CADPS: variants seen among roughly 807,000 people sequenced by gnomAD.
CADPS encodes calcium dependent secretion activator, also known as calcium-dependent secretion activator 1.
CADPS carries 57 observed loss-of-function variants against 167.3 expected under a neutral mutation model. The observed-to-expected ratio is 0.34, with a 90% CI of 0.28 to 0.42. The LOEUF (loss-of-function observed/expected upper bound fraction) is 0.42. CADPS is among the 20% of genes least tolerant of loss of function. The pLI, the probability that CADPS is intolerant of heterozygous loss-of-function variation, is 1.00. For synonymous variants in CADPS, 676 were observed against 635.3 expected, an observed-to-expected ratio of 1.06 and a Z score of -0.96; for missense variants, 1,414 against 1,738.1, an observed-to-expected ratio of 0.81 and a Z score of 3.32.
Position 62,570,922 on chromosome 3 carries a change from C to T in CADPS, c.1594G>A (p.Gly532Ser), listed in dbSNP as rs567840502. 5.6e-6 allele frequency: 9 copies of T among 1,609,042 alleles called. No homozygotes were observed. The highest frequency in any genetic ancestry group is 4.0e-5 in the African/African-American group (3 of 74,794). The stretch of plus-strand genomic sequence containing the variant: ...TTCCATCTCTTCCAGACATTCTTAC[C>T]GATGGCCCATAAATACCTAAGGGAA... ...MKHSGYLWAI[G>S]KNVWKRWKKR... The change falls in exon 9 of 30, where the codon GGT (glycine) becomes AGT (serine). Residue 532 changes from glycine (G) to serine (S), a missense_variant. By Grantham distance (56) the Gly-to-Ser change is moderately conservative (BLOSUM62 0). Around this residue, in one of 6 missense-constraint regions of CADPS, gnomAD observed 157 missense variants for 229.4 expected, o/e 0.68. Coordinates refer to ENST00000383710, the MANE Select transcript of CADPS (RefSeq NM_003716.4).
intron 6 of CADPS, among the ~76,000 whole-genome samples, chr3:62,595,441 T>C (rs1330456662): frequency 2.6e-5 from 4 of 152,158 alleles, no homozygotes; most frequent in African/African-American, 4.8e-5. Flanking sequence ...TTGCAAACTA[T>C]GAAATTTGGG....
chr3:62,570,249 AAAAG>A (rs973888625), intron 9 of CADPS, among the ~76,000 whole-genome samples: 3 of 151,778 alleles, frequency 2.0e-5, no homozygotes, highest in African/African-American at 7.3e-5. Context: ...AAAAAAAAAA[AAAAG>A]AAGTTTAATA....
At chr3:62,527,556 C>A (rs17066522) in intron 13 of CADPS, among the ~76,000 whole-genome samples, 11 of 152,012 alleles carry the variant, frequency 7.2e-5, no homozygotes, top group Non-Finnish European at 1.2e-4. Context: ...ACAGCAAACA[C>A]CTTCCTGATT....
At chr3:62,659,731 C>G (rs2072688381) in intron 4 of CADPS, among the ~76,000 whole-genome samples, 1 of 152,178 alleles carries the variant, frequency 6.6e-6, no homozygotes. Flanking sequence ...TCACGTGTGG[C>G]CAGGGCAGGC....
At chr3:62,539,303 C>T (rs2075299698) in intron 11 of CADPS, among the ~76,000 whole-genome samples, 2 of 152,038 alleles carry the variant, frequency 1.3e-5, no homozygotes, top group Non-Finnish European at 2.9e-5. Flanking sequence ...CCTTAAGATC[C>T]CTTGCACACT....
intron 1 of CADPS, among the ~76,000 whole-genome samples, chr3:62,768,345 G>C (rs2087496751): frequency 6.6e-6 from 1 of 152,156 alleles, no homozygotes; most frequent in Non-Finnish European, 1.5e-5. Context: ...GTGAATACCA[G>C]CTTTGCGTGA....
chr3:62,778,897 A>G (rs1301236918), intron 1 of CADPS, among the ~76,000 whole-genome samples: 2 of 130,112 alleles, frequency 1.5e-5, no homozygotes, highest in African/African-American at 5.5e-5. Flanking sequence ...TTTTCCAGAA[A>G]GAACATTTAC....
At chr3:62,700,271 G>A (rs1326478257) in intron 3 of CADPS, among the ~76,000 whole-genome samples, 1 of 152,062 alleles carries the variant, frequency 6.6e-6, no homozygotes, top group Non-Finnish European at 1.5e-5. Flanking sequence ...GTATGGGCTG[G>A]ACCTGGCGAC....
chr3:62,501,914 C>T (rs867954380), intron 17 of CADPS, among the ~76,000 whole-genome samples: 4 of 152,112 alleles, frequency 2.6e-5, no homozygotes, highest in South Asian at 2.1e-4. Context: ...TGCACATGTA[C>T]GCAGATATGT....
At chr3:62,785,608 C>A (rs1175286756) in intron 1 of CADPS, among the ~76,000 whole-genome samples, 1 of 152,134 alleles carries the variant, frequency 6.6e-6, no homozygotes, top group African/African-American at 2.4e-5. Context: ...CATACCTGCT[C>A]AAGGTGAGTA....
chr3:62,736,920 C>T (rs955687924), intron 3 of CADPS, among the ~76,000 whole-genome samples: 7 of 152,008 alleles, frequency 4.6e-5, no homozygotes, highest in African/African-American at 9.7e-5. Flanking sequence ...AGGTTAATTG[C>T]GAGGTTAGGA....
At chr3:62,656,513 C>G (rs143200773) in intron 4 of CADPS, among the ~76,000 whole-genome samples, 2 of 152,256 alleles carry the variant, frequency 1.3e-5, no homozygotes, top group African/African-American at 4.8e-5. Context: ...CTATCTGGCT[C>G]CAAATGTCTA....
intron 13 of CADPS, among the ~76,000 whole-genome samples, chr3:62,530,308 G>C (rs1003943258): frequency 1.3e-5 from 2 of 151,990 alleles, no homozygotes; most frequent in Non-Finnish European, 2.9e-5. Flanking sequence ...AAATTATAAA[G>C]CATGGGTTGC....
chr3:62,599,779 ATTATATATAAT>A (rs1473023379), intron 6 of CADPS, among the ~76,000 whole-genome samples: 7 of 2,110 alleles, frequency 3.3e-3, no homozygotes, highest in African/African-American at 4.9e-3. Context: ...TAATATATAT[ATTATATATAAT>A]ATATATAATA....
chr3:62,419,184 CATAA>C (rs1271814103), intron 28 of CADPS, among the ~76,000 whole-genome samples: 6 of 152,176 alleles, frequency 3.9e-5, no homozygotes, highest in Admixed American at 1.3e-4. Flanking sequence ...CTTCAAGATA[CATAA>C]ATAATGAGCC....
chr3:62,535,841 T>C (rs2074582280), intron 12 of CADPS, among the ~76,000 whole-genome samples: 1 of 151,972 alleles, frequency 6.6e-6, no homozygotes, highest in Non-Finnish European at 1.5e-5. Context: ...TTTCAGGAAA[T>C]ATTGATACTC....
intron 2 of CADPS, among the ~76,000 whole-genome samples, chr3:62,756,141 C>G (rs2083852431): frequency 1.3e-5 from 2 of 151,976 alleles, no homozygotes; most frequent in Admixed American, 6.6e-5. Context: ...CAACCTCTGC[C>G]TCCTGGGTTC....
At chr3:62,668,828 CT>C (rs2074979993) in intron 3 of CADPS, among the ~76,000 whole-genome samples, 1 of 152,116 alleles carries the variant, frequency 6.6e-6, no homozygotes, top group Non-Finnish European at 1.5e-5. Context: ...AATAAAATGA[CT>C]GCCTGACTAG....
intron 1 of CADPS, among the ~76,000 whole-genome samples, chr3:62,775,836 A>T (rs2090145217): frequency 6.6e-6 from 1 of 152,288 alleles, no homozygotes; most frequent in Non-Finnish European, 1.5e-5. Flanking sequence ...GTGCCCAAGG[A>T]TCAACATTTA....
Sources: allele counts gnomAD v4.1 joint callset (sites outside exome capture counted in the v4.1 genomes callset), GRCh38; gene constraint gnomAD v4.1.1; regional missense constraint gnomAD v4.1.1; transcripts MANE v1.5; gene names NCBI Gene and HGNC (gene_info 2026-07-23, HGNC 2026-07-21).